Variants in DLC1 observed in about 807,000 individuals in gnomAD.
The protein encoded by DLC1 is DLC1 Rho GTPase activating protein.
DLC1 carries 54 observed loss-of-function variants against 140.3 expected under a neutral mutation model. The ratio of observed to expected loss-of-function variants is 0.38; its 90% confidence interval spans 0.31 to 0.48. The LOEUF is 0.48. Ranked by LOEUF, DLC1 falls within the 20% of genes least tolerant of loss-of-function variation. The pLI, the probability that DLC1 is intolerant of heterozygous loss-of-function variation, is 0.96. For missense variants in DLC1, 2,536 were observed against 1,907.0 expected (o/e 1.33, Z -6.14); for synonymous variants, 986 against 728.1 (o/e 1.35, Z -5.70).
At chr8:13,140,587 T>G (rs889777581) in intron 5 of DLC1, among the ~76,000 whole-genome samples, 2 of 152,060 alleles carry the variant, frequency 1.3e-5, no homozygotes, top group South Asian at 2.1e-4. Flanking sequence ...TCTGTAAGTA[T>G]TATGTATATT....
chr8:13,399,763 A>G (rs1226388014), intron 3 of DLC1, among the ~76,000 whole-genome samples: 1 of 152,224 alleles, frequency 6.6e-6, no homozygotes, highest in East Asian at 1.9e-4. Flanking sequence ...TGTTAAAGAC[A>G]TCCTTAAAGA....
intron 1 of DLC1, among the ~76,000 whole-genome samples, chr8:13,535,393 C>G (rs1353146050): frequency 3.3e-5 from 5 of 152,024 alleles, no homozygotes; most frequent in Non-Finnish European, 5.9e-5. Flanking sequence ...CTAGATCTTC[C>G]TGCAACTTAC....
At chr8:13,337,588 G>C (rs190978630) in intron 4 of DLC1, among the ~76,000 whole-genome samples, 4 of 152,252 alleles carry the variant, frequency 2.6e-5, no homozygotes, top group Admixed American at 2.6e-4. Flanking sequence ...AATTTTCTGT[G>C]TGAATATCAG....
At chr8:13,117,169 T>C (rs1563632003) in intron 5 of DLC1, among the ~76,000 whole-genome samples, 1 of 152,214 alleles carries the variant, frequency 6.6e-6, no homozygotes, top group Non-Finnish European at 1.5e-5. Flanking sequence ...CAATATTTTA[T>C]TTTAAAAAAC....
chr8:13,221,985 A>G (rs995473101), intron 5 of DLC1, among the ~76,000 whole-genome samples: 1 of 144,664 alleles, frequency 6.9e-6, no homozygotes, highest in Non-Finnish European at 1.5e-5. Context: ...ATTATATATT[A>G]TATAATATAT....
intron 4 of DLC1, among the ~76,000 whole-genome samples, chr8:13,390,262 G>A (rs928330737): frequency 6.6e-6 from 1 of 152,124 alleles, no homozygotes; most frequent in East Asian, 1.9e-4. Flanking sequence ...AAACAAAAGT[G>A]TAGCTTCATG....
intron 4 of DLC1, chr8:13,342,042 G>T (rs1327600390): frequency 6.6e-6 from 1 of 152,200 alleles, no homozygotes; most frequent in East Asian, 1.9e-4. Flanking sequence ...CATTTGGCCA[G>T]TGTGAATTAA....
At chr8:13,472,428 C>A (rs1800250570) in intron 2 of DLC1, among the ~76,000 whole-genome samples, 3 of 152,178 alleles carry the variant, frequency 2.0e-5, no homozygotes, top group Non-Finnish European at 4.4e-5. Context: ...CTATAACTTA[C>A]TCCAAACTGT....
At chr8:13,248,799 T>C (rs7834940) in intron 5 of DLC1, among the ~76,000 whole-genome samples, 36,090 of 152,148 alleles carry the variant, frequency 0.24, 4,459 homozygotes, top group South Asian at 0.34. Flanking sequence ...CCTGGTATCC[T>C]GGCTTCTCAA....
intron 1 of DLC1, among the ~76,000 whole-genome samples, chr8:13,502,367 G>T (rs1264088966): frequency 6.6e-6 from 1 of 152,004 alleles, no homozygotes; most frequent in Non-Finnish European, 1.5e-5. Flanking sequence ...TTATTTTTAA[G>T]ATATGCAATT....
intron 5 of DLC1, among the ~76,000 whole-genome samples, chr8:13,124,913 T>C (rs889224591): frequency 1.3e-5 from 2 of 152,222 alleles, no homozygotes; most frequent in African/African-American, 4.8e-5. Context: ...TCCCCAGTTT[T>C]GTAAATTTAC....
At chr8:13,547,205 A>G (rs1803681439) in intron 1 of DLC1, among the ~76,000 whole-genome samples, 1 of 152,084 alleles carries the variant, frequency 6.6e-6, no homozygotes, top group Non-Finnish European at 1.5e-5. Context: ...CTCATAATAA[A>G]CAACTGAACA....
chr8:13,447,526 GC>G (rs1180486359), intron 2 of DLC1, among the ~76,000 whole-genome samples: 3 of 152,096 alleles, frequency 2.0e-5, no homozygotes, highest in African/African-American at 7.2e-5. Flanking sequence ...CAGCCTCTCT[GC>G]CTCTAGAGCT....
intron 5 of DLC1, among the ~76,000 whole-genome samples, chr8:13,267,729 A>AGTGTGT (rs58701617): frequency 1.4e-5 from 2 of 140,498 alleles, no homozygotes; most frequent in African/African-American, 2.6e-5. Context: ...ATTCCTGAGG[A>AGTGTGT]GTGTGTGTGT....
intron 2 of DLC1, among the ~76,000 whole-genome samples, chr8:13,475,135 G>A (rs1199294199): frequency 6.6e-6 from 1 of 151,728 alleles, no homozygotes; most frequent in Non-Finnish European, 1.5e-5. Flanking sequence ...TTTTTAATAA[G>A]CCAAAGAGAT....
intron 4 of DLC1, among the ~76,000 whole-genome samples, chr8:13,391,318 A>G (rs562108114): frequency 1.3e-5 from 2 of 152,336 alleles, no homozygotes; most frequent in Admixed American, 6.5e-5. Flanking sequence ...TGGCATGACT[A>G]GAAAGCTCTG....
chr8:13,456,119 C>G (rs970783758), intron 2 of DLC1, among the ~76,000 whole-genome samples: 5 of 152,168 alleles, frequency 3.3e-5, no homozygotes, highest in Admixed American at 6.5e-5. Flanking sequence ...CCCGTAACAG[C>G]AAAATCTTAG....
At chr8:13,353,091 A>T (rs1282439046) in intron 4 of DLC1, among the ~76,000 whole-genome samples, 1 of 152,146 alleles carries the variant, frequency 6.6e-6, no homozygotes, top group Non-Finnish European at 1.5e-5. Flanking sequence ...TTTCTTAGTA[A>T]CATAATTAAC....
chr8:13,252,169 T>C (rs1830035462), intron 5 of DLC1, among the ~76,000 whole-genome samples: 2 of 152,180 alleles, frequency 1.3e-5, no homozygotes. Flanking sequence ...AAATAAAAAG[T>C]CCTTGATTAA....
Sources: gnomAD v4.1 joint callset for allele counts (sites outside exome capture counted in the v4.1 genomes callset) on GRCh38, gnomAD v4.1.1 for gene constraint, MANE v1.5 for transcripts, NCBI Gene and HGNC (gene_info 2026-07-23, HGNC 2026-07-21) for gene names.